UBFD1: variants seen among roughly 807,000 people sequenced by gnomAD.
UBFD1 encodes ubiquitin family domain containing 1.
UBFD1 carries 12 observed loss-of-function variants against 35.1 expected under a neutral mutation model. That is an observed-to-expected ratio of 0.34 (90% confidence interval 0.22 to 0.55). UBFD1 has a LOEUF of 0.55. Ranked by LOEUF, UBFD1 falls within the 20% of genes least tolerant of loss-of-function variation. The pLI is 0.89. For synonymous variants in UBFD1, 178 were observed against 167.6 expected (o/e 1.06, Z -0.48); for missense variants, 337 against 410.8 (o/e 0.82, Z 1.55).
intron 2 of UBFD1, 104 bp downstream of exon 2, chr16:23,558,383 T>G: frequency 7.2e-7 from 1 of 1,396,572 alleles, no homozygotes; most frequent in South Asian, 1.3e-5. Context: ...GGTCCCCCCA[T>G]CCTTACAGCA....
At chr16:23,570,013 T>G (rs1370111342) in intron 6 of UBFD1, among the ~76,000 whole-genome samples, 5 of 152,226 alleles carry the variant, frequency 3.3e-5, no homozygotes. Flanking sequence ...GATATGTAGG[T>G]TGCCCCAGGT....
intron 6 of UBFD1, among the ~76,000 whole-genome samples, 189 bp from the exon 7 acceptor site, chr16:23,570,291 T>C (rs1363962022): frequency 6.6e-6 from 1 of 152,226 alleles, no homozygotes; most frequent in East Asian, 1.9e-4. Context: ...GCTTTAGGGT[T>C]GGCTCAGCTT....
rs1205886508 is a variant in UBFD1 at position 23,570,721 on chromosome 16, T to TGTG, written c.*135_*137dup. ...AAAATCTATATTCAATCTGAGGTGA[T>TGTG]GTGGTGACTGAAGCCAGAGGTGATG... is the stretch of plus-strand genomic sequence containing the variant. On this transcript the variant is annotated 3_prime_UTR_variant, in exon 7 of 7. Transcript: ENST00000395878. 2.1e-5 allele frequency: 14 copies of TGTG among 669,386 alleles called. No individual in the cohort carries two copies. The highest frequency in any genetic ancestry group is 2.5e-6 in the Non-Finnish European group (1 of 403,470). 41.5% of individuals were successfully genotyped at this position (669,386 alleles called of 1,614,324 possible). A position where few individuals can be genotyped will look rare whatever the true frequency, so the allele number is the denominator to read the frequency against.
rs369079142 is a variant in UBFD1 at position 23,571,852 on chromosome 16, TCTC to T, written c.*1265_*1267del. 3.3e-5 allele frequency: 5 copies of T among 152,794 alleles called. No homozygotes were observed. The highest frequency in any genetic ancestry group is 9.6e-5 in the African/African-American group (4 of 41,590). 9.5% of individuals were successfully genotyped at this position (152,794 alleles called of 1,614,324 possible). A position where few individuals can be genotyped will look rare whatever the true frequency, so the allele number is the denominator to read the frequency against. ...TCTCTGTACACGTGAACTTCTGTCA[TCTC>T]CTTCTGGCTTGGTTGCCTCTGAAAG... On this transcript the variant is annotated 3_prime_UTR_variant, in exon 7 of 7. Coordinates refer to ENST00000395878, the MANE Select transcript of UBFD1 (RefSeq NM_019116.3).
At chr16:23,561,870 T>C (rs1965939977) in intron 3 of UBFD1, 1 of 212,846 alleles carries the variant, frequency 4.7e-6, no homozygotes, top group South Asian at 1.9e-4. Context: ...GGAAATCCCG[T>C]TTGCTGTAGA....
intron 2 of UBFD1, chr16:23,559,237 G>T: frequency 2.3e-6 from 1 of 427,154 alleles, no homozygotes; most frequent in Non-Finnish European, 4.3e-6. Context: ...TAAATGCCCC[G>T]CATTGGTCTC....
chr16:23,565,921 G>T (rs1175709023), intron 5 of UBFD1: 1 of 147,488 alleles, frequency 6.8e-6, no homozygotes, highest in Non-Finnish European at 1.5e-5. Context: ...TTGTGCAGGT[G>T]CACCTCGCCT....
intron 3 of UBFD1, among the ~76,000 whole-genome samples, chr16:23,560,147 A>T (rs1965908849): frequency 6.6e-6 from 1 of 152,124 alleles, no homozygotes; most frequent in African/African-American, 2.4e-5. Context: ...AATGAAGCTG[A>T]GTAGGAAGAC....
At chr16:23,567,195 C>A in intron 6 of UBFD1, 126 bp downstream of exon 6, 1 of 835,990 alleles carries the variant, frequency 1.2e-6, no homozygotes, top group Non-Finnish European at 1.9e-6. Flanking sequence ...TTTTTTAAGA[C>A]CCTGATGTTT....
rs1965896105 is a variant in UBFD1, at chr16:23,559,451, T to C, written c.356-17T>C. The C allele has an allele frequency of 6.2e-7, 1 of 1,610,182 alleles. No homozygotes were observed. Among genetic ancestry groups the C allele is most frequent in the Non-Finnish European group, 8.5e-7 (1 of 1,177,898 alleles). ...TCCTTCCTTCCTTTCACTGTCCACC[T>C]TCTACCTTTTCCCAAGGTCTCCCGC... On this transcript the variant is annotated splice_polypyrimidine_tract_variant and intron_variant, in intron 2 of 6. Coordinates refer to ENST00000395878, the MANE Select transcript of UBFD1 (RefSeq NM_019116.3).
intron 6 of UBFD1, among the ~76,000 whole-genome samples, chr16:23,569,953 T>A (rs923343013): frequency 9.2e-5 from 14 of 152,250 alleles, no homozygotes; most frequent in African/African-American, 3.4e-4. Context: ...AGCTCCAGTA[T>A]TGGTGTGACT....
intron 2 of UBFD1, 115 bp downstream of exon 2, chr16:23,558,394 G>A (rs1454251122): frequency 2.3e-6 from 3 of 1,285,858 alleles, no homozygotes; most frequent in Non-Finnish European, 3.1e-6. Context: ...CCTTACAGCA[G>A]TCTTCTGAAG....
chr16:23,567,763 A>G (rs564002551), intron 6 of UBFD1, among the ~76,000 whole-genome samples: 1 of 152,264 alleles, frequency 6.6e-6, no homozygotes, highest in African/African-American at 2.4e-5. Flanking sequence ...GCAGTTGCCC[A>G]TCAGGGGCCT....
intron 3 of UBFD1, chr16:23,561,996 T>C: frequency 3.9e-6 from 2 of 516,546 alleles, no homozygotes; most frequent in African/African-American, 2.0e-5. Context: ...CAGCAGTAGG[T>C]AGTGGCTAGC....
rs913061206 is a variant in UBFD1, at chr16:23,570,720, A to C, written c.*130A>C. The C allele has an allele frequency of 5.9e-6, 4 of 677,472 alleles. No individual in the cohort carries two copies. The highest frequency in any genetic ancestry group is 4.9e-6 in the Non-Finnish European group (2 of 409,858). 42.0% of individuals were successfully genotyped at this position (677,472 alleles called of 1,614,324 possible). A position where few individuals can be genotyped will look rare whatever the true frequency, so the allele number is the denominator to read the frequency against. ...AAAAATCTATATTCAATCTGAGGTG[A>C]TGTGGTGACTGAAGCCAGAGGTGAT... On this transcript the variant is annotated 3_prime_UTR_variant, in exon 7 of 7. Transcript: ENST00000395878.
At chr16:23,559,221 C>G in intron 2 of UBFD1, 2 of 377,628 alleles carry the variant, frequency 5.3e-6, no homozygotes, top group Non-Finnish European at 9.8e-6. Flanking sequence ...ATGCTAGCCA[C>G]CGTACTAAAT....
chr16:23,558,410 TTGG>T, intron 2 of UBFD1, 131 bp downstream of exon 2: 1 of 1,155,714 alleles, frequency 8.7e-7, no homozygotes, highest in South Asian at 1.6e-5. Context: ...TGAAGGATAC[TTGG>T]ATGCCCATTA....
In UBFD1 at chr16:23,558,163, G is replaced by A. The variant is rs1965853384; in HGVS notation, c.239G>A (p.Gly80Asp). 6.2e-7 allele frequency: 1 copy of A among 1,605,574 alleles called. No homozygotes were observed. Among genetic ancestry groups the A allele is most frequent in the Non-Finnish European group, 8.5e-7 (1 of 1,176,800 alleles). ...SVSNGEDAGGGAGRELVDLKI... is the reference protein window; with the variant it reads ...SVSNGEDAGGDAGRELVDLKI... The stretch of plus-strand genomic sequence containing the variant: ...AGCAACGGCGAAGACGCGGGCGGCG[G>A]CGCGGGCAGGGAGCTGGTGGACTTG... The change falls in exon 2 of 7, where the codon GGC becomes GAC. Residue 80 changes from glycine (G) to aspartate (D), a missense_variant. Coordinates refer to ENST00000395878, the MANE Select transcript of UBFD1 (RefSeq NM_019116.3).
intron 4 of UBFD1, 59 bp downstream of exon 4, chr16:23,562,330 A>T: frequency 6.8e-7 from 1 of 1,478,228 alleles, no homozygotes; most frequent in Non-Finnish European, 9.4e-7. Flanking sequence ...GTCTGACTTG[A>T]GGTTCCTCCA....
Sources: allele counts gnomAD v4.1 joint callset (sites outside exome capture counted in the v4.1 genomes callset), GRCh38; gene constraint gnomAD v4.1.1; transcripts MANE v1.5; gene names NCBI Gene and HGNC (gene_info 2026-07-23, HGNC 2026-07-21).